The following SDK1 variants were observed in gnomAD, a reference collection of about 807,000 sequenced individuals.
SDK1 encodes sidekick cell adhesion molecule 1, also known as protein sidekick-1.
Under a neutral mutation model 245.5 loss-of-function variants are expected in SDK1, and 157 were observed. That is an observed-to-expected ratio of 0.64 (90% CI 0.56 to 0.73). The LOEUF is 0.73. Among genes scored for constraint, SDK1 ranks in the 30% least tolerant of loss-of-function variants. The pLI is 0.00. For missense variants in SDK1, 3,583 were observed against 3,002.3 expected, an observed-to-expected ratio of 1.19 and a Z score of -4.52; for synonymous variants, 1,647 against 1,278.5, an observed-to-expected ratio of 1.29 and a Z score of -6.15.
At chr7:3,812,835 G>T (rs1779418296) in intron 4 of SDK1, among the ~76,000 whole-genome samples, 1 of 152,204 alleles carries the variant, frequency 6.6e-6, no homozygotes, top group African/African-American at 2.4e-5. Context: ...ATTTGCCCAG[G>T]ACTTCTTGGT....
At chr7:3,801,001 C>T (rs527623728) in intron 4 of SDK1, among the ~76,000 whole-genome samples, 26 of 152,288 alleles carry the variant, frequency 1.7e-4, no homozygotes, top group African/African-American at 6.3e-4. Flanking sequence ...ACAGAAATGT[C>T]CTGAACTCAG....
At chr7:3,920,089 A>G (rs1779533840) in intron 5 of SDK1, among the ~76,000 whole-genome samples, 1 of 152,194 alleles carries the variant, frequency 6.6e-6, no homozygotes, top group South Asian at 2.1e-4. Context: ...GTGCAGGGGC[A>G]CTGAGACAGC....
At chr7:3,665,674 G>A (rs1395731394) in intron 4 of SDK1, among the ~76,000 whole-genome samples, 1 of 152,158 alleles carries the variant, frequency 6.6e-6, no homozygotes, top group Non-Finnish European at 1.5e-5. Flanking sequence ...ATTTCGTGGT[G>A]ACTGCAGGAC....
chr7:3,423,762 C>T (rs1416161914), intron 1 of SDK1, among the ~76,000 whole-genome samples: 1 of 152,084 alleles, frequency 6.6e-6, no homozygotes, highest in East Asian at 1.9e-4. Context: ...AATACCATAT[C>T]AGTTTCTCTG....
rs1273093627 is a variant in SDK1, at chr7:4,022,402, G to C, written c.2602+5050G>C. 2.0e-5 allele frequency among the ~76,000 whole-genome samples: 3 copies of C among 152,180 alleles called. No homozygotes were observed. The East Asian group carries it at 5.8e-4, about 29-fold the overall frequency. On this transcript the variant is annotated intron_variant, in intron 17 of 44. Transcript: ENST00000404826. ...GACTTTAATAAGGCCCTTGGATTGA[G>C]CTCCTCCTGAGAAAGTATCCGAATG...
intron 1 of SDK1, among the ~76,000 whole-genome samples, chr7:3,529,799 G>T (rs746022889): frequency 2.2e-4 from 33 of 152,122 alleles, no homozygotes; most frequent in Non-Finnish European, 4.3e-4. Flanking sequence ...CGAGGGGTGG[G>T]CTATGCTCAC....
chr7:3,712,885 G>A (rs1785090537), intron 4 of SDK1, among the ~76,000 whole-genome samples: 1 of 152,204 alleles, frequency 6.6e-6, no homozygotes, highest in Non-Finnish European at 1.5e-5. Flanking sequence ...AGACCCCTTG[G>A]ACCTTCAGTG....
intron 1 of SDK1, among the ~76,000 whole-genome samples, chr7:3,527,832 C>T (rs908422844): frequency 4.0e-5 from 6 of 149,674 alleles, no homozygotes; most frequent in African/African-American, 1.5e-4. Context: ...GGATGATAGT[C>T]AGCTAGGGGG....
At chr7:3,893,173 G>A (rs1781503986) in intron 5 of SDK1, among the ~76,000 whole-genome samples, 1 of 152,160 alleles carries the variant, frequency 6.6e-6, no homozygotes, top group Admixed American at 6.5e-5. Flanking sequence ...CCTTTTGCTA[G>A]GAAATTTTTT....
At chr7:3,336,536 G>A (rs1780204925) in intron 1 of SDK1, among the ~76,000 whole-genome samples, 1 of 152,130 alleles carries the variant, frequency 6.6e-6, no homozygotes, top group African/African-American at 2.4e-5. Flanking sequence ...TGGTGGGGAG[G>A]TGTGAGCCTC....
intron 1 of SDK1, among the ~76,000 whole-genome samples, chr7:3,432,051 A>T (rs780386956): frequency 2.6e-5 from 4 of 151,468 alleles, no homozygotes; most frequent in Non-Finnish European, 5.9e-5. Context: ...TCATAAAATT[A>T]TGACAATAAC....
intron 4 of SDK1, among the ~76,000 whole-genome samples, chr7:3,672,373 G>A (rs10262231): frequency 6.6e-6 from 1 of 151,224 alleles, no homozygotes; most frequent in Non-Finnish European, 1.5e-5. Context: ...GTTTCTTGCC[G>A]TTACTGGAGG....
rs186563613 is a variant in SDK1, at chr7:3,984,444, A to C, written c.1995-2742A>C. ...GCATTTTCACCTCTGTGAGAAAGAC[A>C]GACTTTTAGAATTTAGAATTCGATC... On this transcript the variant is annotated intron_variant, in intron 13 of 44. Transcript: ENST00000404826. Among the ~76,000 whole-genome samples the C allele has an allele frequency of 2.6e-5, 4 of 152,334 alleles. No individual in the cohort carries two copies. In the East Asian group the frequency reaches 7.7e-4, roughly 29 times the overall value.
chr7:3,738,154 T>C (rs1246440794), intron 4 of SDK1, among the ~76,000 whole-genome samples: 1 of 152,242 alleles, frequency 6.6e-6, no homozygotes, highest in Non-Finnish European at 1.5e-5. Context: ...CTCTCTTATG[T>C]TTTATTGTAA....
At chr7:3,439,882 A>G (rs370288987) in intron 1 of SDK1, among the ~76,000 whole-genome samples, 5 of 152,340 alleles carry the variant, frequency 3.3e-5, no homozygotes, top group African/African-American at 9.6e-5. Flanking sequence ...GCCCTGAGGC[A>G]GGTCAGATTG....
chr7:4,156,518 T>C (rs1166534089), intron 30 of SDK1, among the ~76,000 whole-genome samples: 3 of 152,098 alleles, frequency 2.0e-5, no homozygotes, highest in Non-Finnish European at 4.4e-5. Flanking sequence ...GACTGGGAAG[T>C]ACCAAGACCA....
At chr7:3,765,233 T>G (rs940282132) in intron 4 of SDK1, among the ~76,000 whole-genome samples, 23 of 152,178 alleles carry the variant, frequency 1.5e-4, no homozygotes, top group Non-Finnish European at 1.0e-4. Flanking sequence ...CTGAGATGCA[T>G]CCATATATTA....
intron 22 of SDK1, among the ~76,000 whole-genome samples, chr7:4,093,840 C>T (rs1291560428): frequency 1.3e-5 from 2 of 152,196 alleles, no homozygotes; most frequent in Non-Finnish European, 2.9e-5. Context: ...CTGAGGCACT[C>T]ACCTGCGAGG....
chr7:4,259,994 G>C (rs1321225349), intron 44 of SDK1, among the ~76,000 whole-genome samples: 1 of 152,242 alleles, frequency 6.6e-6, no homozygotes, highest in Non-Finnish European at 1.5e-5. Context: ...TCATGCCCGG[G>C]CATTAATCTG....
Sources: allele counts gnomAD v4.1 joint callset (sites outside exome capture counted in the v4.1 genomes callset), GRCh38; gene constraint gnomAD v4.1.1; transcripts MANE v1.5; gene names NCBI Gene and HGNC (gene_info 2026-07-23, HGNC 2026-07-21).